The following SCEL variants were observed in gnomAD, a reference collection of about 807,000 sequenced individuals.
SCEL encodes the protein sciellin.
Under a neutral mutation model 117.6 loss-of-function variants are expected in SCEL, and 113 were observed. The ratio of observed to expected loss-of-function variants is 0.96; its 90% CI spans 0.83 to 1.12. The LOEUF (loss-of-function observed/expected upper bound fraction) is 1.12, where lower values mean the gene tolerates loss of function less well. Among genes scored for constraint, SCEL ranks in the 50% most tolerant of loss-of-function variants. SCEL has a pLI of 0.00. For missense variants in SCEL, 785 were observed against 810.8 expected, an observed-to-expected ratio of 0.97 and a Z score of 0.39; for synonymous variants, 270 against 256.2, an observed-to-expected ratio of 1.05 and a Z score of -0.51.
At chr13:77,557,211 G>A (rs978094674) in intron 3 of SCEL, among the ~76,000 whole-genome samples, 1 of 152,094 alleles carries the variant, frequency 6.6e-6, no homozygotes, top group African/African-American at 2.4e-5. Flanking sequence ...GGGATATATG[G>A]TATTACTTTG....
At chr13:77,627,643 A>G (rs1225332418) in intron 27 of SCEL, among the ~76,000 whole-genome samples, 1 of 152,130 alleles carries the variant, frequency 6.6e-6, no homozygotes, top group African/African-American at 2.4e-5. Flanking sequence ...ATTATACATC[A>G]ATAAAAAAAG....
At chr13:77,552,502 A>C (rs1260261001) in intron 1 of SCEL, among the ~76,000 whole-genome samples, 3 of 151,530 alleles carry the variant, frequency 2.0e-5, no homozygotes, top group African/African-American at 7.3e-5. Flanking sequence ...TCTTTTGAGA[A>C]GTGTCTGTTC....
chr13:77,561,036 T>C (rs912794219), intron 4 of SCEL, among the ~76,000 whole-genome samples: 2 of 152,194 alleles, frequency 1.3e-5, no homozygotes, highest in African/African-American at 4.8e-5. Context: ...ATGCCAGCTT[T>C]AGTTCATCTG....
intron 3 of SCEL, among the ~76,000 whole-genome samples, chr13:77,558,424 G>A (rs2084780753): frequency 6.6e-6 from 1 of 151,970 alleles, no homozygotes; most frequent in South Asian, 2.1e-4. Context: ...GTTCTCTCGG[G>A]GTCTTTGAGA....
At chr13:77,539,895 G>A (rs1346321609) in intron 1 of SCEL, among the ~76,000 whole-genome samples, 1 of 152,084 alleles carries the variant, frequency 6.6e-6, no homozygotes, top group Non-Finnish European at 1.5e-5. Context: ...ATAGCTGATA[G>A]AATTTCTAAA....
intron 1 of SCEL, among the ~76,000 whole-genome samples, chr13:77,542,892 C>T (rs546365479): frequency 3.3e-4 from 50 of 152,190 alleles, no homozygotes; most frequent in African/African-American, 1.2e-3. Context: ...TTGTCCTTTT[C>T]CAGTTCCTAG....
chr13:77,548,656 A>AT (rs2084128319), intron 1 of SCEL, among the ~76,000 whole-genome samples: 2 of 152,280 alleles, frequency 1.3e-5, no homozygotes, highest in East Asian at 3.9e-4. Flanking sequence ...GTGGGAGGTA[A>AT]TTTAATCATG....
chr13:77,543,949 T>C (rs1480755775), intron 1 of SCEL, among the ~76,000 whole-genome samples: 1 of 152,146 alleles, frequency 6.6e-6, no homozygotes, highest in Non-Finnish European at 1.5e-5. Context: ...TGAGACTCCT[T>C]CCAGAAAAGA....
chr13:77,550,913 A>G (rs908180187), intron 1 of SCEL, among the ~76,000 whole-genome samples: 2 of 152,226 alleles, frequency 1.3e-5, no homozygotes, highest in African/African-American at 4.8e-5. Flanking sequence ...TGTTTGCTGC[A>G]GCAGTTCATT....
At chr13:77,540,405 A>G (rs1016308986) in intron 1 of SCEL, among the ~76,000 whole-genome samples, 1 of 152,134 alleles carries the variant, frequency 6.6e-6, no homozygotes, top group Non-Finnish European at 1.5e-5. Flanking sequence ...AGCCATACAC[A>G]CAGTCTTAGG....
At chr13:77,559,777 T>G (rs765281783) in intron 3 of SCEL, 27 bp from the exon 4 acceptor site, 1 of 1,606,048 alleles carries the variant, frequency 6.2e-7, no homozygotes, top group Non-Finnish European at 8.5e-7. Flanking sequence ...ACTTTCTATG[T>G]GACATACTTT....
intron 1 of SCEL, among the ~76,000 whole-genome samples, chr13:77,548,624 C>T (rs2084125473): frequency 6.6e-6 from 1 of 152,206 alleles, no homozygotes; most frequent in East Asian, 1.9e-4. Context: ...TAAGAATTCC[C>T]ACGTGTCGTG....
chr13:77,599,281 A>G, intron 13 of SCEL, 48 bp from the exon 14 acceptor site: 1 of 1,353,372 alleles, frequency 7.4e-7, no homozygotes, highest in Non-Finnish European at 1.0e-6. Flanking sequence ...AGAGTTAAGC[A>G]TTGGTCATTA....
intron 1 of SCEL, among the ~76,000 whole-genome samples, chr13:77,542,683 G>T (rs186781654): frequency 1.3e-5 from 2 of 152,260 alleles, no homozygotes; most frequent in East Asian, 3.9e-4. Flanking sequence ...TTTAAAAATG[G>T]ATTTAAATAG....
At chr13:77,536,939 G>A (rs17067878) in intron 1 of SCEL, among the ~76,000 whole-genome samples, 9,866 of 152,308 alleles carry the variant, frequency 0.065, 571 homozygotes, top group African/African-American at 0.16. Flanking sequence ...AAACTAAAGT[G>A]TAGCAAGTGT....
intron 9 of SCEL, among the ~76,000 whole-genome samples, chr13:77,576,966 C>T (rs1450288222): frequency 1.3e-5 from 2 of 152,144 alleles, no homozygotes; most frequent in East Asian, 1.9e-4. Context: ...GGAATGCTAG[C>T]GATTTTCACA....
At chr13:77,638,584 A>G (rs2090413638) in intron 30 of SCEL, among the ~76,000 whole-genome samples, 1 of 152,224 alleles carries the variant, frequency 6.6e-6, no homozygotes, top group Non-Finnish European at 1.5e-5. Flanking sequence ...TTTCCTAGTC[A>G]TCAGCGCAGA....
At position 77,569,522 on chromosome 13, in the gene SCEL, CT is replaced by C. The variant is rs368169585; in HGVS notation, c.479+77del. ...AGACTGCATTAGAAAGCTTCCTCCT[CT>C]TTTTTGTGGGGATCCAGCATCTACA... is the stretch of plus-strand genomic sequence containing the variant. On this transcript the variant is annotated intron_variant, in intron 8 of 32. Coordinates refer to ENST00000349847, the MANE Select transcript of SCEL (RefSeq NM_144777.3). 103 of 1,201,506 alleles carry C rather than the reference CT, an allele frequency of 8.6e-5. No homozygotes were observed. In the East Asian group the frequency reaches 2.1e-3, roughly 25 times the overall value. The allele number at this position is 1,201,506 out of a possible 1,614,324, so 74.4% of individuals were successfully genotyped here. A position where few individuals can be genotyped will look rare whatever the true frequency, so the allele number is the denominator to read the frequency against.
intron 29 of SCEL, among the ~76,000 whole-genome samples, chr13:77,635,819 A>G (rs1049672133): frequency 2.0e-5 from 3 of 152,118 alleles, no homozygotes; most frequent in African/African-American, 4.8e-5. Context: ...CTCAAAGCAT[A>G]GTCTCTGGGC....
Sources: allele counts gnomAD v4.1 joint callset (sites outside exome capture counted in the v4.1 genomes callset), GRCh38; gene constraint gnomAD v4.1.1; transcripts MANE v1.5; gene names NCBI Gene and HGNC (gene_info 2026-07-23, HGNC 2026-07-21).